The following CEACAM7 variants were observed in gnomAD, a reference collection of about 807,000 sequenced individuals.
CEACAM7 encodes cell adhesion molecule CEACAM7.
Under a neutral mutation model 25.7 loss-of-function variants are expected in CEACAM7, and 24 were observed. The ratio of observed to expected loss-of-function variants is 0.93; its 90% CI spans 0.68 to 1.31. The LOEUF (loss-of-function observed/expected upper bound fraction) is 1.31, where lower values mean the gene tolerates loss of function less well. Ranked by LOEUF, CEACAM7 falls within the 40% of genes most tolerant of loss-of-function variation. The probability of loss-of-function intolerance (pLI) is 0.00; values close to 1 mark genes in which losing one functional copy is unlikely to be tolerated. For synonymous variants in CEACAM7, 144 were observed against 129.4 expected, an observed-to-expected ratio of 1.11 and a Z score of -0.77; for missense variants, 324 against 330.1, an observed-to-expected ratio of 0.98 and a Z score of 0.14.
At chr19:41,676,121 C>A (rs2072111400) in intron 4 of CEACAM7, among the ~76,000 whole-genome samples, 1 of 152,184 alleles carries the variant, frequency 6.6e-6, no homozygotes, top group African/African-American at 2.4e-5. Context: ...AGCCCAAGTC[C>A]TGCTTATCAG....
chr19:41,679,067 AC>A (rs1410101833), intron 3 of CEACAM7, among the ~76,000 whole-genome samples: 1 of 152,182 alleles, frequency 6.6e-6, no homozygotes, highest in African/African-American at 2.4e-5. Context: ...AAGCAATGAA[AC>A]CAAAAGGTGG....
chr19:41,681,324 G>C (rs886355558), intron 3 of CEACAM7, among the ~76,000 whole-genome samples: 1 of 152,272 alleles, frequency 6.6e-6, no homozygotes, highest in South Asian at 2.1e-4. Flanking sequence ...GTGCATTGCC[G>C]GTGGGAGTGT....
rs781864443 is a variant in CEACAM7, at chr19:41,683,831, G to T, written c.660C>A (p.Asn220Lys). The T allele has an allele frequency of 5.6e-6, 9 of 1,614,184 alleles. No homozygotes were observed. The highest frequency in any genetic ancestry group is 7.6e-6 in the Non-Finnish European group (9 of 1,180,028). The change falls in exon 3 of 5, where the codon AAC becomes AAA. Residue 220 changes from asparagine to lysine, a missense_variant. Transcript: ENST00000401731. ...DIGPYECEIQ[N>K]PVGASRSDPV... The stretch of plus-strand genomic sequence containing the variant: ...GGTCACTGCGGCTGGCACCCACTGG[G>T]TTCTGTATTTCACATTCATAGGGTC...
At chr19:41,677,650 T>C (rs1353865885) in intron 3 of CEACAM7, 147 bp from the exon 4 acceptor site, 8 of 572,478 alleles carry the variant, frequency 1.4e-5, no homozygotes, top group Admixed American at 5.8e-5. Context: ...GAGATGATTA[T>C]CCAACTAAAT....
intron 2 of CEACAM7, among the ~76,000 whole-genome samples, chr19:41,686,233 C>T (rs1162536744): frequency 6.6e-6 from 1 of 152,132 alleles, no homozygotes; most frequent in African/African-American, 2.4e-5. Context: ...GTTCCTCATC[C>T]AGGGGGACTG....
chr19:41,681,369 C>T (rs1001713584), intron 3 of CEACAM7, among the ~76,000 whole-genome samples: 4 of 152,184 alleles, frequency 2.6e-5, no homozygotes, highest in East Asian at 1.9e-4. Flanking sequence ...ATGGTAGAGC[C>T]GTTTCTCAAA....
intron 3 of CEACAM7, among the ~76,000 whole-genome samples, chr19:41,683,110 A>G (rs569808064): frequency 6.6e-6 from 1 of 152,342 alleles, no homozygotes; most frequent in African/African-American, 2.4e-5. Context: ...CCCATCTCAA[A>G]ATATGATGCC....
chr19:41,687,416 C>T (rs940345396), intron 1 of CEACAM7, among the ~76,000 whole-genome samples, 195 bp from the exon 2 acceptor site: 4 of 152,092 alleles, frequency 2.6e-5, no homozygotes, highest in East Asian at 1.9e-4. Context: ...TTTCCCTGTT[C>T]GGAATCCTCT....
rs1555810941 is a variant in CEACAM7 at position 41,683,946 on chromosome 19, T to C, written c.545A>G (p.Asn182Ser). 1 of 1,614,204 alleles carries C rather than the reference T, an allele frequency of 6.2e-7. No individual in the cohort carries two copies. Among genetic ancestry groups the C allele is most frequent in the Admixed American group, 1.7e-5 (1 of 60,022 alleles). The change falls in exon 3 of 5, where the codon AAC (asparagine) becomes AGC (serine). Residue 182 changes from asparagine to serine, a missense_variant. Asn to Ser is a conservative substitution (Grantham distance 46). Coordinates refer to ENST00000401731, the MANE Select transcript of CEACAM7 (RefSeq NM_001291485.2). ...GGGACTGACCAGGAGGCTCTGATTG[T>C]TTACCCACCACAGGTAGGTTGTGTT... ...TQNTTYLWWV[N>S]NQSLLVSPRL...
At chr19:41,682,627 C>G (rs2122725991) in intron 3 of CEACAM7, among the ~76,000 whole-genome samples, 1 of 152,320 alleles carries the variant, frequency 6.6e-6, no homozygotes, top group South Asian at 2.1e-4. Flanking sequence ...CCAGGTCCCA[C>G]CCCAGGTGGA....
chr19:41,684,101 G>GC (rs5828119), intron 2 of CEACAM7, 38 bp from the exon 3 acceptor site: 862,289 of 1,595,134 alleles, frequency 0.54, 235,237 homozygotes, highest in Middle Eastern at 0.63. Context: ...GCCCTGTGTG[G>GC]CCCCTTGGTT....
At chr19:41,684,105 C>T in intron 2 of CEACAM7, 42 bp from the exon 3 acceptor site, 1 of 1,596,972 alleles carries the variant, frequency 6.3e-7, no homozygotes, top group Non-Finnish European at 8.6e-7. Context: ...TGTGTGGCCC[C>T]TTGGTTCCCC....
At chr19:41,678,585 T>A (rs1174401472) in intron 3 of CEACAM7, among the ~76,000 whole-genome samples, 3 of 152,162 alleles carry the variant, frequency 2.0e-5, no homozygotes, top group African/African-American at 7.2e-5. Flanking sequence ...TCATTTGAGC[T>A]GTAAAATAAT....
At chr19:41,682,004 G>A (rs2072180557) in intron 3 of CEACAM7, among the ~76,000 whole-genome samples, 2 of 152,156 alleles carry the variant, frequency 1.3e-5, no homozygotes, top group South Asian at 2.1e-4. Context: ...GGAATTCAAT[G>A]GCGCAATCAA....
chr19:41,679,176 A>G (rs566757574), intron 3 of CEACAM7, among the ~76,000 whole-genome samples: 1 of 152,318 alleles, frequency 6.6e-6, no homozygotes, highest in Admixed American at 6.5e-5. Context: ...AATGAAAGTG[A>G]TTACTACCAA....
chr19:41,684,190 T>A, intron 2 of CEACAM7, 127 bp from the exon 3 acceptor site: 1 of 966,120 alleles, frequency 1.0e-6, no homozygotes, highest in Non-Finnish European at 1.6e-6. Flanking sequence ...CCACAGAAGG[T>A]GTGTGTATCA....
At chr19:41,684,101 G>GT in intron 2 of CEACAM7, 38 bp from the exon 3 acceptor site, 1 of 1,595,800 alleles carries the variant, frequency 6.3e-7, no homozygotes, top group Non-Finnish European at 8.6e-7. Context: ...GCCCTGTGTG[G>GT]CCCCTTGGTT....
chr19:41,686,651 C>T (rs2072227831), intron 2 of CEACAM7, among the ~76,000 whole-genome samples: 1 of 152,208 alleles, frequency 6.6e-6, no homozygotes, highest in Admixed American at 6.5e-5. Context: ...CCTTCCTCTG[C>T]AGCAAGTATC....
chr19:41,683,738 G>A (rs369291070), intron 3 of CEACAM7, 47 bp downstream of exon 3: 232 of 1,606,038 alleles, frequency 1.4e-4, no homozygotes, highest in Non-Finnish European at 1.8e-4. Context: ...CTGGCTGCAT[G>A]GATTTGGGCT....
Sources: gnomAD v4.1 joint callset for allele counts (sites outside exome capture counted in the v4.1 genomes callset) on GRCh38, gnomAD v4.1.1 for gene constraint, MANE v1.5 for transcripts, NCBI Gene and HGNC (gene_info 2026-07-23, HGNC 2026-07-21) for gene names.